Variants in MED25 observed in about 807,000 individuals in gnomAD.
MED25 encodes mediator of RNA polymerase II transcription subunit 25.
MED25 carries 62 observed loss-of-function variants against 89.4 expected under a neutral mutation model. That is an observed-to-expected ratio of 0.69 (90% CI 0.57 to 0.86). The LOEUF (loss-of-function observed/expected upper bound fraction) is 0.86. Ranked by LOEUF, MED25 falls within the 40% of genes least tolerant of loss-of-function variation. The pLI is 0.00. For synonymous variants in MED25, 449 were observed against 427.9 expected, an observed-to-expected ratio of 1.05 and a Z score of -0.61; for missense variants, 905 against 1,005.2, an observed-to-expected ratio of 0.90 and a Z score of 1.35.
downstream of MED25, chr19:49,837,049 T>C: frequency 1.1e-6 from 1 of 924,002 alleles, no homozygotes; most frequent in Non-Finnish European, 1.7e-6. Context: ...ATCTCTGTCC[T>C]TGTTCTCACT....
Position 49,819,183 on chromosome 19 carries a change from C to A in MED25, c.192C>A (p.Thr64=), listed in dbSNP as rs2073963672. ...ETDFGGDYGG[T]QYSLVVFNTV... Reference sequence around the variant, plus strand: ...TCCTCCCCTCCCAGTATGGGGGGACCCAGTACAGCCTCGTGGTGTTCAACA... The same window carrying A: ...TCCTCCCCTCCCAGTATGGGGGGACACAGTACAGCCTCGTGGTGTTCAACA... The change falls in exon 3 of 18, where the codon ACC becomes ACA. Residue 64 remains threonine, a synonymous_variant. Coordinates refer to ENST00000312865, the MANE Select transcript of MED25 (RefSeq NM_030973.4). 6.2e-7 allele frequency: 1 copy of A among 1,614,066 alleles called. No individual in the cohort carries two copies. The highest frequency in any genetic ancestry group is 1.1e-5 in the South Asian group (1 of 91,090).
In MED25 at chr19:49,829,083, T is replaced by C. The variant is rs781753774; in HGVS notation, c.518T>C (p.Ile173Thr). 40 of 1,612,992 alleles carry C rather than the reference T, an allele frequency of 2.5e-5. No homozygotes were observed. The highest frequency in any genetic ancestry group is 2.2e-4 in the South Asian group (20 of 91,032). ...ACAACTGAGAATCTTGTGCAGCAGA[T>C]TGGGGAGGTGAGGACTCCAGGGTCT... ...GCTTENLVQQIGERGIHFSIV... is the reference protein window; with the variant it reads ...GCTTENLVQQTGERGIHFSIV... Residue 173 changes from isoleucine to threonine, a missense_variant, in exon 5 of 18, where the codon ATT (isoleucine) becomes ACT (threonine). By Grantham distance (89) the Ile-to-Thr change is moderately conservative. Around this residue, in one of 3 missense-constraint regions of MED25, gnomAD observed 501 missense variants for 526.9 expected, o/e 0.95. Coordinates refer to ENST00000312865, the MANE Select transcript of MED25 (RefSeq NM_030973.4). This position sits in a 1 kb window ranked among gnomAD's most constrained non-coding sequence, Gnocchi z 4.6.
chr19:49,836,653 T>G lies in MED25; in HGVS notation c.2147-194T>G. ...CTCCTGGGATTGCTGGGAAATGTGG[T>G]CTTAGGGCCAGAGAAGTAGTTTTGG... is the stretch of plus-strand genomic sequence containing the variant. On this transcript the variant is annotated intron_variant, in intron 17 of 17. Coordinates refer to ENST00000312865, the MANE Select transcript of MED25 (RefSeq NM_030973.4). The surrounding 1 kb of genome is among the most constrained non-coding windows in gnomAD (Gnocchi z 5.1). The G allele has an allele frequency of 1.4e-6, 1 of 738,200 alleles. No individual in the cohort carries two copies. The highest frequency in any genetic ancestry group is 2.4e-6 in the Non-Finnish European group (1 of 408,166). 45.7% of individuals were successfully genotyped at this position (738,200 alleles called of 1,614,324 possible).
intron 3 of MED25, among the ~76,000 whole-genome samples, chr19:49,823,464 G>T (rs2073996714): frequency 6.6e-6 from 1 of 152,160 alleles, no homozygotes; most frequent in African/African-American, 2.4e-5. Context: ...TAAGTGCCGT[G>T]TAAGTGTTTC....
chr19:49,819,383 G>A (rs116003284), intron 3 of MED25, 87 bp downstream of exon 3: 44,597 of 456,436 alleles, frequency 0.098, 1,056 homozygotes, highest in Non-Finnish European at 0.11. Context: ...GTGTCCCCGT[G>A]AGAGGCTGTG....
Position 49,831,393 on chromosome 19 carries a change from GC to G in MED25, c.1165del (p.Leu389SerfsTer35), listed in dbSNP as rs1064795342. On this transcript the variant is annotated frameshift_variant, in exon 10 of 18. Coordinates refer to ENST00000312865, the MANE Select transcript of MED25 (RefSeq NM_030973.4). LOFTEE classifies it high-confidence loss of function. The surrounding 1 kb of genome is among the most constrained non-coding windows in gnomAD (Gnocchi z 5.0). ...TTCCCCAGCCCAGCTGGGAGCCCCA[GC>G]CCTCGGTGGGCAGCAGTCAGTCTCC... ...GPSPAQLGAP[A>X]LGGQQSVSNK... The G allele has an allele frequency of 6.2e-7, 1 of 1,611,168 alleles. No homozygotes were observed. The highest frequency in any genetic ancestry group is 8.5e-7 in the Non-Finnish European group (1 of 1,178,858).
chr19:49,839,157 G>C (rs1235735272), downstream of MED25: 3 of 238,976 alleles, frequency 1.3e-5, no homozygotes, highest in Admixed American at 1.6e-4. Flanking sequence ...TAAGAATCTT[G>C]ATGTGACCGA....
chr19:49,835,654 G>A lies in MED25; in HGVS notation c.1746+49G>A. On this transcript the variant is annotated intron_variant, in intron 15 of 17. Coordinates refer to ENST00000312865, the MANE Select transcript of MED25 (RefSeq NM_030973.4). This position sits in a 1 kb window ranked among gnomAD's most constrained non-coding sequence, Gnocchi z 6.2. Reference sequence around the variant, plus strand: ...GGGGCTGGGTTGGGGAGGCCCCAAGGCTGCGCTCTGTGCCTGCAGAAGGGG... The same window carrying A: ...GGGGCTGGGTTGGGGAGGCCCCAAGACTGCGCTCTGTGCCTGCAGAAGGGG... 2 of 1,564,532 alleles carry A rather than the reference G, an allele frequency of 1.3e-6. No individual in the cohort carries two copies. Among genetic ancestry groups the A allele is most frequent in the Non-Finnish European group, 1.7e-6 (2 of 1,155,118 alleles).
intron 4 of MED25, 134 bp downstream of exon 4, chr19:49,828,681 G>A: frequency 1.1e-6 from 1 of 926,498 alleles, no homozygotes; most frequent in Non-Finnish European, 1.7e-6. Flanking sequence ...CGCTGAGCCA[G>A]GAGGCTGCAG....
chr19:49,821,390 C>T (rs781079468), intron 3 of MED25, among the ~76,000 whole-genome samples: 14 of 152,190 alleles, frequency 9.2e-5, no homozygotes, highest in Non-Finnish European at 1.6e-4. Context: ...CAAGCTCAAG[C>T]GATCCTCCCA....
At position 49,829,938 on chromosome 19, in the gene MED25, C is replaced by A. The variant is rs770604129; in HGVS notation, c.678C>A (p.Leu226=). Residue 226 remains leucine, a synonymous_variant, in exon 6 of 18, where the codon CTC becomes CTA. Coordinates refer to ENST00000312865, the MANE Select transcript of MED25 (RefSeq NM_030973.4). The surrounding 1 kb of genome is among the most constrained non-coding windows in gnomAD (Gnocchi z 4.6). ...DPRHMVLVRG[L]VLPVGGGSAP... ...GGCACATGGTGCTGGTTCGGGGACTCGTGCTGCCTGGTGAGGCCTGGGCAC... is the reference window on the plus strand; with the variant it reads ...GGCACATGGTGCTGGTTCGGGGACTAGTGCTGCCTGGTGAGGCCTGGGCAC... 6.2e-7 allele frequency: 1 copy of A among 1,611,684 alleles called. No homozygotes were observed. The highest frequency in any genetic ancestry group is 8.5e-7 in the Non-Finnish European group (1 of 1,178,644).
chr19:49,832,286 C>A (rs1219539664), intron 12 of MED25, 22 bp from the exon 13 acceptor site: 1 of 1,566,840 alleles, frequency 6.4e-7, no homozygotes, highest in Non-Finnish European at 8.7e-7. Context: ...AGCATGCCAG[C>A]CGACTTCTGT....
chr19:49,821,412 C>T (rs929651124), intron 3 of MED25, among the ~76,000 whole-genome samples: 5 of 152,218 alleles, frequency 3.3e-5, no homozygotes, highest in Admixed American at 6.5e-5. Flanking sequence ...CTCAGCTTCC[C>T]GAGTAGCTGG....
At position 49,836,309 on chromosome 19, in the gene MED25, C is replaced by T; in HGVS notation, c.2049C>T (p.His683=). 6.2e-7 allele frequency: 1 copy of T among 1,611,456 alleles called. No homozygotes were observed. Among genetic ancestry groups the T allele is most frequent in the Non-Finnish European group, 8.5e-7 (1 of 1,179,332 alleles). ...CTCCTGCGCTGCTGCCTCCGCCGCACCAGGGCCTGGGGCAGCCCCAGTTGG... is the reference window on the plus strand; with the variant it reads ...CTCCTGCGCTGCTGCCTCCGCCGCATCAGGGCCTGGGGCAGCCCCAGTTGG... ...PGAPALLPPP[H]QGLGQPQLGP... The change falls in exon 17 of 18, where the codon CAC becomes CAT. Residue 683 remains histidine, a synonymous_variant. Coordinates refer to ENST00000312865, the MANE Select transcript of MED25 (RefSeq NM_030973.4). The surrounding 1 kb of genome is among the most constrained non-coding windows in gnomAD (Gnocchi z 5.1).
Position 49,835,063 on chromosome 19 carries a change from G to A in MED25, c.1560G>A (p.Lys520=), listed in dbSNP as rs1372929456. The A allele has an allele frequency of 1.2e-6, 2 of 1,614,108 alleles. No individual in the cohort carries two copies. The highest frequency in any genetic ancestry group is 1.7e-6 in the Non-Finnish European group (2 of 1,180,004). ...TGCTCCTGTACTCGTCCAAGAAGAA[G>A]ATCTTCATGGGCCTCATCCCCTACG... ...VLMLLYSSKK[K]IFMGLIPYDQ... is the part of the protein sequence containing the mutation. Residue 520 remains lysine, a synonymous_variant, in exon 14 of 18, where the codon AAG becomes AAA. Coordinates refer to ENST00000312865, the MANE Select transcript of MED25 (RefSeq NM_030973.4). This position sits in a 1 kb window ranked among gnomAD's most constrained non-coding sequence, Gnocchi z 6.2.
In MED25 at chr19:49,835,051, G is replaced by C. The variant is rs370402922; in HGVS notation, c.1548G>C (p.Ser516=). The C allele has an allele frequency of 4.3e-6, 7 of 1,613,942 alleles. No homozygotes were observed. The African/African-American group carries it at 9.4e-5, about 22-fold the overall frequency. The change falls in exon 14 of 18, where the codon TCG becomes TCC. Residue 516 remains serine (S), a synonymous_variant. Coordinates refer to ENST00000312865, the MANE Select transcript of MED25 (RefSeq NM_030973.4). This position sits in a 1 kb window ranked among gnomAD's most constrained non-coding sequence, Gnocchi z 6.2. The part of the protein sequence containing the change: ...CEVRVLMLLY[S]SKKKIFMGLI... ...TGCGCGTGCTCATGCTCCTGTACTC[G>C]TCCAAGAAGAAGATCTTCATGGGCC... is the stretch of plus-strand genomic sequence containing the variant.
chr19:49,819,480 G>A (rs997756066), intron 3 of MED25, 184 bp downstream of exon 3: 3 of 655,422 alleles, frequency 4.6e-6, no homozygotes, highest in African/African-American at 1.8e-5. Context: ...CCTGCGAGGG[G>A]CCGTGAATGA....
chr19:49,834,922 G>A lies in MED25; in HGVS notation c.1483-64G>A. 1 of 1,557,608 alleles carries A rather than the reference G, an allele frequency of 6.4e-7. No individual in the cohort carries two copies. Among genetic ancestry groups the A allele is most frequent in the Non-Finnish European group, 8.8e-7 (1 of 1,131,810 alleles). On this transcript the variant is annotated intron_variant, in intron 13 of 17. Coordinates refer to ENST00000312865, the MANE Select transcript of MED25 (RefSeq NM_030973.4). The surrounding 1 kb of genome is among the most constrained non-coding windows in gnomAD (Gnocchi z 4.1). ...GGGGCCTCTAGAGCCTTCTGGAATGGGGAGGGGGTCAGGGCTGCCTCTTTC... is the reference window on the plus strand; with the variant it reads ...GGGGCCTCTAGAGCCTTCTGGAATGAGGAGGGGGTCAGGGCTGCCTCTTTC...
chr19:49,835,160 GAGCAGCAGC>G lies in MED25; in HGVS notation c.1661_1669del (p.Gln554_Gln556del), dbSNP rs777052608. The G allele has an allele frequency of 1.9e-6, 3 of 1,613,970 alleles. No homozygotes were observed. In the South Asian group the frequency reaches 3.3e-5, roughly 18 times the overall value. On this transcript the variant is annotated inframe_deletion, in exon 14 of 18. Coordinates refer to ENST00000312865, the MANE Select transcript of MED25 (RefSeq NM_030973.4). This position sits in a 1 kb window ranked among gnomAD's most constrained non-coding sequence, Gnocchi z 6.2. ...CAAGCAGGTCCAGCAGCAGAAGCTG[GAGCAGCAGC>G]AGCGAGGAGTGAGTGTTGACAGTCC... is the stretch of plus-strand genomic sequence containing the variant.
Sources: allele counts gnomAD v4.1 joint callset (sites outside exome capture counted in the v4.1 genomes callset), GRCh38; gene constraint gnomAD v4.1.1; regional missense constraint gnomAD v4.1.1; non-coding constraint Gnocchi (gnomAD v3.1); transcripts MANE v1.5; gene names NCBI Gene and HGNC (gene_info 2026-07-23, HGNC 2026-07-21).